Variants in DPP10 observed in about 807,000 individuals in gnomAD.
DPP10 encodes dipeptidyl peptidase like 10.
A neutral mutation model predicts 120.9 loss-of-function variants in DPP10; 33 were observed. The observed-to-expected ratio is 0.27, with a 90% CI of 0.21 to 0.37. The LOEUF (loss-of-function observed/expected upper bound fraction) is 0.37, where lower values mean the gene tolerates loss of function less well. DPP10 is among the 10% of genes least tolerant of loss of function. The pLI is 1.00. For missense variants in DPP10, 816 were observed against 942.8 expected, an observed-to-expected ratio of 0.87 and a Z score of 1.76; for synonymous variants, 337 against 326.1, an observed-to-expected ratio of 1.03 and a Z score of -0.36.
chr2:114,901,178 G>A (rs976646796), intron 1 of DPP10, among the ~76,000 whole-genome samples: 5 of 151,850 alleles, frequency 3.3e-5, no homozygotes, highest in Non-Finnish European at 5.9e-5. Flanking sequence ...TGGATAACTC[G>A]TTTTGTTTTT....
intron 1 of DPP10, among the ~76,000 whole-genome samples, chr2:115,087,635 C>T (rs1432869942): frequency 7.4e-6 from 1 of 134,844 alleles, no homozygotes; most frequent in Admixed American, 7.9e-5. Context: ...CTCACCGCAA[C>T]CTCTGCCTCC....
intron 1 of DPP10, among the ~76,000 whole-genome samples, chr2:114,609,242 C>G (rs1693083776): frequency 6.6e-6 from 1 of 152,098 alleles, no homozygotes; most frequent in Non-Finnish European, 1.5e-5. Context: ...TCAATGGAAG[C>G]ATATTTCTCC....
chr2:115,418,472 C>G (rs942118110), intron 3 of DPP10, among the ~76,000 whole-genome samples: 2 of 152,070 alleles, frequency 1.3e-5, no homozygotes, highest in Admixed American at 1.3e-4. Context: ...ATGAACAAAT[C>G]TAAAATTTGC....
chr2:115,688,458 C>T (rs1435359653), intron 5 of DPP10, among the ~76,000 whole-genome samples: 1 of 152,126 alleles, frequency 6.6e-6, no homozygotes, highest in Non-Finnish European at 1.5e-5. Context: ...GTGCAATGTA[C>T]ATCCACTACA....
chr2:114,588,359 A>G (rs1398212034), intron 1 of DPP10, among the ~76,000 whole-genome samples: 1 of 152,258 alleles, frequency 6.6e-6, no homozygotes, highest in Non-Finnish European at 1.5e-5. Context: ...GGCAACATTT[A>G]CGAATGTTCA....
At chr2:115,557,845 C>G (rs1047515699) in intron 5 of DPP10, among the ~76,000 whole-genome samples, 2 of 152,106 alleles carry the variant, frequency 1.3e-5, no homozygotes, top group African/African-American at 4.8e-5. Context: ...TGAGAGGACT[C>G]TTGGGATTTT....
At chr2:115,840,506 A>C (rs1453330700) in intron 24 of DPP10, among the ~76,000 whole-genome samples, 3 of 151,020 alleles carry the variant, frequency 2.0e-5, no homozygotes, top group East Asian at 3.9e-4. Flanking sequence ...TATATTTTTT[A>C]ATGGAGATGG....
In DPP10 at chr2:115,813,746, A is replaced by T. The variant is rs953569776; in HGVS notation, c.1701-1047A>T. 3.3e-5 allele frequency among the ~76,000 whole-genome samples: 5 copies of T among 152,154 alleles called. No homozygotes were observed. The East Asian group carries it at 7.7e-4, about 23-fold the overall frequency. On this transcript the variant is annotated intron_variant, in intron 19 of 25. Transcript: ENST00000410059. ...GTTATTTGCTGTAGGAAATCTGATA[A>T]CTTGAAAGCTTGTTATTGGAGATGA...
intron 1 of DPP10, among the ~76,000 whole-genome samples, chr2:115,252,650 A>C (rs978110586): frequency 2.0e-5 from 3 of 152,166 alleles, no homozygotes; most frequent in Admixed American, 2.0e-4. Flanking sequence ...TGTTCACTGG[A>C]GTTGTTCCTT....
intron 19 of DPP10, among the ~76,000 whole-genome samples, chr2:115,811,582 A>C (rs1461048849): frequency 6.6e-6 from 1 of 152,234 alleles, no homozygotes; most frequent in Non-Finnish European, 1.5e-5. Context: ...GCTGTGAACA[A>C]GGCAATGTGT....
At chr2:114,515,377 G>A (rs2104610951) in intron 1 of DPP10, among the ~76,000 whole-genome samples, 1 of 152,308 alleles carries the variant, frequency 6.6e-6, no homozygotes, top group South Asian at 2.1e-4. Context: ...CAGCTGTGAT[G>A]CTCTAATAAG....
Position 115,764,637 on chromosome 2 carries a change from GCTAT to G in DPP10, c.1113+2031_1113+2034del, listed in dbSNP as rs573648293. 5.5e-4 allele frequency among the ~76,000 whole-genome samples: 83 copies of G among 152,082 alleles called. 1 individual carries two copies. Among genetic ancestry groups the G allele is most frequent in the African/African-American group, 1.9e-3 (80 of 41,526 alleles). On this transcript the variant is annotated intron_variant, in intron 12 of 25. Transcript: ENST00000410059. ...ATAATGCATGTTCTTTTGAGATTAT[GCTAT>G]CTAATTTTTAAATCCCAAATTTATG...
intron 1 of DPP10, among the ~76,000 whole-genome samples, chr2:115,195,600 A>T (rs1187565626): frequency 6.6e-6 from 1 of 152,166 alleles, no homozygotes; most frequent in Non-Finnish European, 1.5e-5. Flanking sequence ...AATTATTATT[A>T]CATTTTTTTG....
At chr2:115,694,317 A>G (rs2091470767) in intron 7 of DPP10, among the ~76,000 whole-genome samples, 2 of 152,180 alleles carry the variant, frequency 1.3e-5, no homozygotes, top group South Asian at 4.1e-4. Context: ...TTACTAACTA[A>G]GGATAATTAA....
chr2:114,547,629 G>T (rs7606971), intron 1 of DPP10, among the ~76,000 whole-genome samples: 45,015 of 152,000 alleles, frequency 0.3, 8,427 homozygotes, highest in African/African-American at 0.54. Flanking sequence ...ATATGCCTGT[G>T]TGTATGTGTT....
intron 1 of DPP10, among the ~76,000 whole-genome samples, chr2:114,728,834 T>C (rs368892059): frequency 1.2e-4 from 18 of 152,378 alleles, no homozygotes; most frequent in East Asian, 1.2e-3. Context: ...AGGCAAAATC[T>C]GTTAGGTAGT....
chr2:114,459,913 G>A (rs1176438939), intron 1 of DPP10, among the ~76,000 whole-genome samples: 1 of 152,102 alleles, frequency 6.6e-6, no homozygotes, highest in African/African-American at 2.4e-5. Flanking sequence ...GGCTGCTATG[G>A]TCCGTGTGGT....
At chr2:115,777,729 A>G in intron 14 of DPP10, 58 bp from the exon 15 acceptor site, 1 of 1,571,778 alleles carries the variant, frequency 6.4e-7, no homozygotes, top group Non-Finnish European at 8.7e-7. Flanking sequence ...GACAAAATTC[A>G]CAGATCACAA....
chr2:115,765,506 C>A (rs1231787303), intron 12 of DPP10, among the ~76,000 whole-genome samples: 2 of 151,936 alleles, frequency 1.3e-5, no homozygotes, highest in Non-Finnish European at 2.9e-5. Flanking sequence ...GTGAAGGAAG[C>A]CAACAAGTTA....
Sources: gnomAD v4.1 joint callset for allele counts (sites outside exome capture counted in the v4.1 genomes callset) on GRCh38, gnomAD v4.1.1 for gene constraint, MANE v1.5 for transcripts, NCBI Gene and HGNC (gene_info 2026-07-23, HGNC 2026-07-21) for gene names.